GALNT17: variants seen among roughly 807,000 people sequenced by gnomAD.
The protein encoded by GALNT17 is polypeptide N-acetylgalactosaminyltransferase 17.
Under a neutral mutation model 63.7 loss-of-function variants are expected in GALNT17, and 29 were observed. The ratio of observed to expected loss-of-function variants is 0.46; its 90% CI spans 0.34 to 0.62. The LOEUF (loss-of-function observed/expected upper bound fraction) is 0.62. Ranked by LOEUF, GALNT17 falls within the 20% of genes least tolerant of loss-of-function variation. The pLI, the probability that GALNT17 is intolerant of heterozygous loss-of-function variation, is 0.01. For synonymous variants in GALNT17, 305 were observed against 318.3 expected (o/e 0.96, Z 0.45); for missense variants, 603 against 799.6 (o/e 0.75, Z 2.97).
chr7:71,448,764 A>T (rs1404370550), intron 5 of GALNT17, among the ~76,000 whole-genome samples: 1 of 152,194 alleles, frequency 6.6e-6, no homozygotes, highest in Non-Finnish European at 1.5e-5. Context: ...TTTTATATAA[A>T]TTTCAATTCC....
At chr7:71,233,141 G>A (rs1039000298) in intron 1 of GALNT17, among the ~76,000 whole-genome samples, 1 of 152,084 alleles carries the variant, frequency 6.6e-6, no homozygotes, top group African/African-American at 2.4e-5. Context: ...GCTAACCCTG[G>A]TGGCTCTCTG....
intron 9 of GALNT17, among the ~76,000 whole-genome samples, chr7:71,691,904 CTT>C (rs1791450074): frequency 6.6e-6 from 1 of 151,326 alleles, no homozygotes; most frequent in South Asian, 2.1e-4. Flanking sequence ...TCCTTTCTCT[CTT>C]TCTCTCTTTC....
chr7:71,392,522 A>G (rs1388464790), intron 3 of GALNT17, among the ~76,000 whole-genome samples: 1 of 152,132 alleles, frequency 6.6e-6, no homozygotes, highest in Non-Finnish European at 1.5e-5. Flanking sequence ...ATTTCTTATA[A>G]GCTCCTATTT....
rs138172799 is a variant in GALNT17, at chr7:71,361,280, A to G, written c.422+25547A>G. On this transcript the variant is annotated intron_variant, in intron 2 of 10. Coordinates refer to ENST00000333538, the MANE Select transcript of GALNT17 (RefSeq NM_022479.3). ...TGAAATACAAAATAAATAAAAAATA[A>G]AAAACCACTATCAACAACATTTGAG... Among the ~76,000 whole-genome samples the G allele has an allele frequency of 7.6e-3, 1,157 of 152,326 alleles. 17 individuals are homozygous for G. Among genetic ancestry groups the G allele is most frequent in the African/African-American group, 0.026 (1,069 of 41,572 alleles).
At chr7:71,494,496 C>T (rs748761370) in intron 5 of GALNT17, among the ~76,000 whole-genome samples, 2 of 152,054 alleles carry the variant, frequency 1.3e-5, no homozygotes, top group Non-Finnish European at 2.9e-5. Context: ...CAGGTGTGCA[C>T]TAGCACACCT....
At position 71,571,440 on chromosome 7, in the gene GALNT17, T is replaced by C. The variant is rs146138772; in HGVS notation, c.1080+38T>C. On this transcript the variant is annotated intron_variant, in intron 6 of 10. Coordinates refer to ENST00000333538, the MANE Select transcript of GALNT17 (RefSeq NM_022479.3). ...GTGTCCCTTCCTCTTGGTGTGCCCA[T>C]GTTTGTGAGCAGAGCGTCTTGGTCA... The C allele has an allele frequency of 3.3e-3, 5,155 of 1,555,972 alleles. 12 individuals are homozygous for C. The highest frequency in any genetic ancestry group is 4.0e-3 in the Non-Finnish European group (4,462 of 1,127,546).
chr7:71,439,382 G>A (rs967535545), intron 5 of GALNT17, among the ~76,000 whole-genome samples: 2 of 152,166 alleles, frequency 1.3e-5, no homozygotes, highest in African/African-American at 4.8e-5. Context: ...TTCTGCACCA[G>A]CCTGGGTAGA....
chr7:71,188,034 T>C (rs1245788044), intron 1 of GALNT17, among the ~76,000 whole-genome samples: 2 of 152,192 alleles, frequency 1.3e-5, no homozygotes, highest in African/African-American at 4.8e-5. Context: ...TCCAATCCCT[T>C]TCAAGTTGCT....
At chr7:71,684,408 G>C (rs979164002) in intron 9 of GALNT17, among the ~76,000 whole-genome samples, 1 of 152,190 alleles carries the variant, frequency 6.6e-6, no homozygotes, top group African/African-American at 2.4e-5. Context: ...GCCCCCGATG[G>C]CTCTGCATCT....
At chr7:71,698,630 A>T (rs1212433040) in intron 9 of GALNT17, among the ~76,000 whole-genome samples, 1 of 152,110 alleles carries the variant, frequency 6.6e-6, no homozygotes, top group Non-Finnish European at 1.5e-5. Flanking sequence ...GGAACAATGA[A>T]ATCTGATAAC....
chr7:71,357,223 G>A (rs759761005), intron 2 of GALNT17, among the ~76,000 whole-genome samples: 11 of 152,260 alleles, frequency 7.2e-5, no homozygotes, highest in Admixed American at 2.0e-4. Flanking sequence ...GAACTGGGAC[G>A]CACTGCAGGA....
intron 6 of GALNT17, among the ~76,000 whole-genome samples, chr7:71,633,069 A>C (rs899074385): frequency 1.0e-4 from 14 of 139,992 alleles, no homozygotes; most frequent in African/African-American, 3.8e-4. Context: ...GCACCACTGC[A>C]CTCCAGCCTG....
At chr7:71,650,147 T>C (rs975580722) in intron 6 of GALNT17, among the ~76,000 whole-genome samples, 1 of 152,226 alleles carries the variant, frequency 6.6e-6, no homozygotes, top group African/African-American at 2.4e-5. Context: ...GGAATGCCTT[T>C]TATTTTGCCT....
intron 1 of GALNT17, among the ~76,000 whole-genome samples, chr7:71,299,315 C>T (rs1212087175): frequency 6.6e-6 from 1 of 152,184 alleles, no homozygotes; most frequent in Non-Finnish European, 1.5e-5. Flanking sequence ...TAAATCCTTG[C>T]AGACGAGAGG....
At chr7:71,435,303 G>A (rs1170153952) in intron 5 of GALNT17, among the ~76,000 whole-genome samples, 2 of 152,106 alleles carry the variant, frequency 1.3e-5, no homozygotes, top group Non-Finnish European at 2.9e-5. Context: ...TGTTCCTTCT[G>A]GGTCATAGGC....
At chr7:71,512,252 G>A (rs1431515555) in intron 5 of GALNT17, among the ~76,000 whole-genome samples, 3 of 151,982 alleles carry the variant, frequency 2.0e-5, no homozygotes, top group Admixed American at 6.6e-5. Context: ...TGATCCGCCC[G>A]CCTCACTCCT....
intron 1 of GALNT17, among the ~76,000 whole-genome samples, chr7:71,237,538 AACAG>A (rs1290074457): frequency 6.6e-6 from 1 of 151,744 alleles, no homozygotes; most frequent in Non-Finnish European, 1.5e-5. Flanking sequence ...AAAAAGAAAA[AACAG>A]GGCATAATTG....
At chr7:71,676,366 T>C (rs2117065313) in intron 8 of GALNT17, among the ~76,000 whole-genome samples, 1 of 152,154 alleles carries the variant, frequency 6.6e-6, no homozygotes, top group South Asian at 2.1e-4. Flanking sequence ...CATTTTATGA[T>C]AGTAAGCTTT....
chr7:71,435,813 A>G (rs1157309061), intron 5 of GALNT17, among the ~76,000 whole-genome samples: 1 of 152,038 alleles, frequency 6.6e-6, no homozygotes, highest in African/African-American at 2.4e-5. Flanking sequence ...GGGTCAGGAG[A>G]TCAAGATCAT....
Sources: gnomAD v4.1 joint callset for allele counts (sites outside exome capture counted in the v4.1 genomes callset) on GRCh38, gnomAD v4.1.1 for gene constraint, MANE v1.5 for transcripts, NCBI Gene and HGNC (gene_info 2026-07-23, HGNC 2026-07-21) for gene names.